The following RCN3 variants were observed in gnomAD, a reference collection of about 807,000 sequenced individuals.
RCN3 encodes reticulocalbin-3.
In RCN3, 41 loss-of-function variants were observed where a neutral mutation model predicts 35.9. The ratio of observed to expected loss-of-function variants is 1.14; its 90% CI spans 0.89 to 1.48. The LOEUF (loss-of-function observed/expected upper bound fraction) is 1.48, where lower values mean the gene tolerates loss of function less well. RCN3 is among the 40% of genes most tolerant of loss of function. The probability of loss-of-function intolerance (pLI) is 0.00; values close to 1 mark genes in which losing one functional copy is unlikely to be tolerated. For missense variants in RCN3, 451 were observed against 471.3 expected (o/e 0.96, Z 0.40); for synonymous variants, 187 against 193.4 (o/e 0.97, Z 0.27).
At chr19:49,536,736 G>A (rs1269073321) in intron 3 of RCN3, among the ~76,000 whole-genome samples, 1 of 151,150 alleles carries the variant, frequency 6.6e-6, no homozygotes, top group Non-Finnish European at 1.5e-5. Context: ...AGACTCCCGA[G>A]TAGCTGGGAT....
At chr19:49,537,588 C>T (rs2080142659) in intron 4 of RCN3, among the ~76,000 whole-genome samples, 1 of 151,862 alleles carries the variant, frequency 6.6e-6, no homozygotes, top group Non-Finnish European at 1.5e-5. Flanking sequence ...CTCACTGCAA[C>T]CTCCGCCTCC....
chr19:49,536,956 T>G, intron 3 of RCN3, 77 bp from the exon 4 acceptor site: 1 of 1,333,192 alleles, frequency 7.5e-7, no homozygotes, highest in Non-Finnish European at 1.0e-6. Context: ...CCCAGTAGGA[T>G]TTACTTTGTC....
intron 5 of RCN3, among the ~76,000 whole-genome samples, chr19:49,540,359 C>T (rs946680977): frequency 1.1e-4 from 17 of 152,092 alleles, no homozygotes; most frequent in African/African-American, 3.4e-4. Flanking sequence ...TTGGGCCAGG[C>T]GCAGTGGCTC....
In RCN3 at chr19:49,534,257, C is replaced by T. The variant is rs1451801927; in HGVS notation, c.307C>T (p.Arg103Cys). The change falls in exon 3 of 7, where the codon CGC (arginine) becomes TGC (cysteine). Residue 103 changes from arginine (R) to cysteine (C), a missense_variant. By Grantham distance (180) the Arg-to-Cys change is radical. Transcript: ENST00000270645. ...CGGCTGGGTGTCGCTGGCCGAGCTT[C>T]GCGCGTGGATCGCGCACACGCAGCA... Reference protein sequence around the residue: ...GDGWVSLAELRAWIAHTQQRH... With the variant: ...GDGWVSLAELCAWIAHTQQRH... 1 of 1,467,972 alleles carries T rather than the reference C, an allele frequency of 6.8e-7. No individual in the cohort carries two copies. The highest frequency in any genetic ancestry group is 2.5e-5 in the Admixed American group (1 of 40,668). The allele number at this position is 1,467,972 out of a possible 1,614,324, so 90.9% of individuals were successfully genotyped here.
At chr19:49,532,925 C>T (rs1055457520) in intron 2 of RCN3, among the ~76,000 whole-genome samples, 1 of 147,836 alleles carries the variant, frequency 6.8e-6, no homozygotes, top group African/African-American at 2.5e-5. Flanking sequence ...ATTCGCCTGT[C>T]TTGGCTTCCC....
chr19:49,528,775 G>T (rs1319320485), intron 2 of RCN3, 61 bp downstream of exon 2: 8 of 1,451,576 alleles, frequency 5.5e-6, no homozygotes, highest in Admixed American at 2.6e-5. Flanking sequence ...AGACGCGGGG[G>T]TATCGACAGG....
rs777910956 is a variant in RCN3, at chr19:49,535,849, CAAAA to C, written c.446-1174_446-1171del. Among the ~76,000 whole-genome samples, 97 of 108,046 alleles carry C rather than the reference CAAAA, an allele frequency of 9.0e-4. 1 individual carries two copies. The highest frequency in any genetic ancestry group is 2.9e-3 in the African/African-American group (86 of 29,236). The allele number at this position is 108,046 out of a possible 152,430, so 70.9% of individuals were successfully genotyped here. A position where few individuals can be genotyped will look rare whatever the true frequency, so the allele number is the denominator to read the frequency against. ...TTGGCGACAGAGTGAGACTCTGTCT[CAAAA>C]AAAAAAAAATATATATATATATAGA... On this transcript the variant is annotated intron_variant, in intron 3 of 6. Coordinates refer to ENST00000270645, the MANE Select transcript of RCN3 (RefSeq NM_020650.3).
At chr19:49,528,180 G>A (rs1039840021) in intron 1 of RCN3, 122 bp downstream of exon 1, 1 of 374,466 alleles carries the variant, frequency 2.7e-6, no homozygotes, top group Non-Finnish European at 4.8e-6. Flanking sequence ...ACTATGCCCT[G>A]CACCTTGCGT....
At chr19:49,530,329 T>TG (rs1230830771) in intron 2 of RCN3, among the ~76,000 whole-genome samples, 1 of 149,132 alleles carries the variant, frequency 6.7e-6, no homozygotes, top group African/African-American at 2.5e-5. Flanking sequence ...CCAGCTAATT[T>TG]TTTTTTTTTT....
chr19:49,539,059 C>A, intron 4 of RCN3, 60 bp from the exon 5 acceptor site: 2 of 1,314,942 alleles, frequency 1.5e-6, no homozygotes, highest in Non-Finnish European at 2.1e-6. Context: ...CCCAGGGGTC[C>A]AGCCTCCCCC....
chr19:49,533,428 A>G (rs1161525436), intron 2 of RCN3, among the ~76,000 whole-genome samples: 1 of 152,152 alleles, frequency 6.6e-6, no homozygotes, highest in East Asian at 1.9e-4. Flanking sequence ...GCAAGGCGTC[A>G]CCAAGGGAGA....
chr19:49,542,491 C>G, intron 5 of RCN3, 62 bp from the exon 6 acceptor site: 1 of 1,233,230 alleles, frequency 8.1e-7, no homozygotes, highest in Admixed American at 2.1e-5. Context: ...CAGGATCAGC[C>G]CCCAGCTCCA....
intron 2 of RCN3, among the ~76,000 whole-genome samples, chr19:49,530,575 C>T (rs536438139): frequency 5.4e-4 from 82 of 150,690 alleles, no homozygotes; most frequent in African/African-American, 1.9e-3. Context: ...CGGCTCACCA[C>T]AACCTCCGCC....
At chr19:49,528,401 A>T (rs893832104) in intron 1 of RCN3, 66 bp from the exon 2 acceptor site, 2 of 1,384,334 alleles carry the variant, frequency 1.4e-6, no homozygotes, top group Non-Finnish European at 1.9e-6. Context: ...CCACCCCGCC[A>T]TTCTCCTATC....
At chr19:49,532,405 T>C (rs1189487543) in intron 2 of RCN3, among the ~76,000 whole-genome samples, 1 of 151,752 alleles carries the variant, frequency 6.6e-6, no homozygotes, top group Admixed American at 6.6e-5. Flanking sequence ...AGACAAGGTC[T>C]TACTCTGTTG....
chr19:49,540,161 C>CTG (rs142600017), intron 5 of RCN3, among the ~76,000 whole-genome samples: 15,315 of 151,160 alleles, frequency 0.1, 993 homozygotes, highest in African/African-American at 0.18. Flanking sequence ...ATCTGTCTGT[C>CTG]TGTGTGTGTG....
intron 3 of RCN3, among the ~76,000 whole-genome samples, chr19:49,536,734 G>T (rs569394821): frequency 6.7e-6 from 1 of 150,278 alleles, no homozygotes. Context: ...TCAGACTCCC[G>T]AGTAGCTGGG....
At chr19:49,538,894 T>C (rs60004045) in intron 4 of RCN3, among the ~76,000 whole-genome samples, 15,500 of 152,146 alleles carry the variant, frequency 0.1, 1,014 homozygotes, top group African/African-American at 0.18. Flanking sequence ...TTAGGGCCTC[T>C]GGGCTCTGGC....
chr19:49,539,680 C>T (rs1199796619), intron 5 of RCN3, among the ~76,000 whole-genome samples: 6 of 150,468 alleles, frequency 4.0e-5, no homozygotes, highest in South Asian at 2.1e-4. Flanking sequence ...CTGCCCCTAG[C>T]GGGCAAAAAA....
Sources: allele counts gnomAD v4.1 joint callset (sites outside exome capture counted in the v4.1 genomes callset), GRCh38; gene constraint gnomAD v4.1.1; transcripts MANE v1.5; gene names NCBI Gene and HGNC (gene_info 2026-07-23, HGNC 2026-07-21).